ZNF385D: variants seen among roughly 807,000 people sequenced by gnomAD.
The protein encoded by ZNF385D is zinc finger protein 385D, also known as zinc finger protein 659.
ZNF385D carries 15 observed loss-of-function variants against 35.8 expected under a neutral mutation model. That is an observed-to-expected ratio of 0.42 (90% confidence interval 0.28 to 0.64). The LOEUF is 0.64. ZNF385D is among the 30% of genes least tolerant of loss of function. The pLI is 0.23. For synonymous variants in ZNF385D, 212 were observed against 186.8 expected, an observed-to-expected ratio of 1.13 and a Z score of -1.10; for missense variants, 474 against 494.6, an observed-to-expected ratio of 0.96 and a Z score of 0.39.
At chr3:22,246,706 T>A (rs1421171027) in intron 2 of ZNF385D, among the ~76,000 whole-genome samples, 1 of 152,116 alleles carries the variant, frequency 6.6e-6, no homozygotes, top group Non-Finnish European at 1.5e-5. Flanking sequence ...GATTATTGCA[T>A]TTTTTATTCT....
intron 3 of ZNF385D, among the ~76,000 whole-genome samples, chr3:21,810,902 T>C (rs988473328): frequency 1.3e-5 from 2 of 151,616 alleles, no homozygotes; most frequent in Admixed American, 6.6e-5. Flanking sequence ...TGTTTATATA[T>C]GTACATATAT....
chr3:21,765,807 G>A (rs997056134), intron 3 of ZNF385D, among the ~76,000 whole-genome samples: 1 of 152,006 alleles, frequency 6.6e-6, no homozygotes, highest in Admixed American at 6.6e-5. Flanking sequence ...TGTAGGCTAG[G>A]TAGGCTTTGG....
At chr3:21,880,065 G>A (rs770644836) in intron 3 of ZNF385D, among the ~76,000 whole-genome samples, 2 of 151,906 alleles carry the variant, frequency 1.3e-5, no homozygotes, top group African/African-American at 2.4e-5. Flanking sequence ...CAAATAGCAT[G>A]CAAATTAAGC....
chr3:22,315,902 G>A (rs1280511495), intron 2 of ZNF385D, among the ~76,000 whole-genome samples: 2 of 152,186 alleles, frequency 1.3e-5, no homozygotes, highest in African/African-American at 2.4e-5. Flanking sequence ...TATAGGAAGG[G>A]TCTGAATTCT....
intron 3 of ZNF385D, among the ~76,000 whole-genome samples, chr3:21,757,621 C>T (rs2070406171): frequency 6.6e-6 from 1 of 152,150 alleles, no homozygotes; most frequent in Non-Finnish European, 1.5e-5. Flanking sequence ...AAGTACTGTC[C>T]TAGGCGCTAA....
chr3:22,370,526 T>C (rs555807021), intron 2 of ZNF385D, among the ~76,000 whole-genome samples: 37 of 148,278 alleles, frequency 2.5e-4, no homozygotes, highest in Admixed American at 1.9e-3. Context: ...AATCAATCTA[T>C]GGTATTACAA....
chr3:21,834,344 T>C (rs921222854), intron 3 of ZNF385D, among the ~76,000 whole-genome samples: 3 of 152,154 alleles, frequency 2.0e-5, no homozygotes, highest in Non-Finnish European at 4.4e-5. Flanking sequence ...GGAATAGACA[T>C]GTGCCACAAT....
chr3:22,263,438 ACTTT>A (rs1467975568), intron 2 of ZNF385D, among the ~76,000 whole-genome samples: 13 of 151,810 alleles, frequency 8.6e-5, no homozygotes, highest in South Asian at 6.2e-4. Flanking sequence ...CCTTAGAGAG[ACTTT>A]CTTTGACTAT....
At chr3:21,926,517 C>T (rs1237349145) in intron 3 of ZNF385D, among the ~76,000 whole-genome samples, 1 of 152,134 alleles carries the variant, frequency 6.6e-6, no homozygotes, top group Non-Finnish European at 1.5e-5. Context: ...GCCACATTTT[C>T]TTTATCCAGT....
At chr3:22,047,957 T>C (rs1354908896) in intron 3 of ZNF385D, among the ~76,000 whole-genome samples, 2 of 152,190 alleles carry the variant, frequency 1.3e-5, no homozygotes, top group Non-Finnish European at 2.9e-5. Context: ...TATGAGGTAA[T>C]AGCTCATTGT....
chr3:21,720,980 G>A (rs1218747667), intron 1 of ZNF385D, among the ~76,000 whole-genome samples: 1 of 152,122 alleles, frequency 6.6e-6, no homozygotes, highest in East Asian at 1.9e-4. Context: ...ATGCCCATGT[G>A]CTAAATGACA....
chr3:21,442,463 T>G (rs1254499559), intron 4 of ZNF385D, among the ~76,000 whole-genome samples: 1 of 152,184 alleles, frequency 6.6e-6, no homozygotes, highest in Non-Finnish European at 1.5e-5. Context: ...GCTGACATTC[T>G]GAAGTAGAAA....
chr3:21,972,357 G>A (rs953428257), intron 3 of ZNF385D, among the ~76,000 whole-genome samples: 4 of 151,792 alleles, frequency 2.6e-5, no homozygotes, highest in Non-Finnish European at 5.9e-5. Flanking sequence ...AAGAAATTAA[G>A]AAGAAAATGT....
At chr3:21,681,206 A>T (rs571541463) in intron 1 of ZNF385D, among the ~76,000 whole-genome samples, 32 of 148,116 alleles carry the variant, frequency 2.2e-4, no homozygotes, top group Middle Eastern at 3.4e-3. Context: ...ATAACGTAGG[A>T]ATATGGTAAG....
At chr3:21,701,003 A>G (rs1203682674) in intron 1 of ZNF385D, among the ~76,000 whole-genome samples, 2 of 151,952 alleles carry the variant, frequency 1.3e-5, no homozygotes. Flanking sequence ...GCATCAGTGC[A>G]CTCTTTTGCA....
chr3:21,848,831 A>T (rs1696187140), intron 3 of ZNF385D, among the ~76,000 whole-genome samples: 1 of 152,054 alleles, frequency 6.6e-6, no homozygotes, highest in South Asian at 2.1e-4. Context: ...TGCTACTTTT[A>T]TCTCGTCTTA....
chr3:22,157,515 A>G (rs757904000), intron 3 of ZNF385D, among the ~76,000 whole-genome samples: 57 of 152,082 alleles, frequency 3.7e-4, no homozygotes, highest in Non-Finnish European at 4.0e-4. Flanking sequence ...GATCTAGGTC[A>G]GAATTCTTAT....
At chr3:21,501,490 G>A (rs1045137657) in intron 4 of ZNF385D, among the ~76,000 whole-genome samples, 1 of 152,206 alleles carries the variant, frequency 6.6e-6, no homozygotes, top group Non-Finnish European at 1.5e-5. Context: ...TAGAAACACT[G>A]TCTCCTGACT....
chr3:21,912,382 T>C (rs996622849), intron 3 of ZNF385D, among the ~76,000 whole-genome samples: 3 of 151,974 alleles, frequency 2.0e-5, no homozygotes, highest in African/African-American at 7.3e-5. Flanking sequence ...CATCAAGTTT[T>C]AAGAGGGTAA....
Sources: allele counts gnomAD v4.1 joint callset (sites outside exome capture counted in the v4.1 genomes callset), GRCh38; gene constraint gnomAD v4.1.1; transcripts MANE v1.5; gene names NCBI Gene and HGNC (gene_info 2026-07-23, HGNC 2026-07-21).